The following GAS7 variants were observed in gnomAD, a reference collection of about 807,000 sequenced individuals.
GAS7 encodes the protein growth arrest-specific protein 7.
Under a neutral mutation model 71.1 loss-of-function variants are expected in GAS7, and 28 were observed. That is an observed-to-expected ratio of 0.39 (90% CI 0.29 to 0.54). GAS7 has a LOEUF of 0.54. GAS7 is among the 20% of genes least tolerant of loss of function. The pLI is 0.62. For missense variants in GAS7, 436 were observed against 627.8 expected, an observed-to-expected ratio of 0.69 and a Z score of 3.27; for synonymous variants, 258 against 245.8, an observed-to-expected ratio of 1.05 and a Z score of -0.46.
chr17:10,179,544 A>G (rs1027185064), intron 1 of GAS7, among the ~76,000 whole-genome samples: 12 of 152,154 alleles, frequency 7.9e-5, no homozygotes, highest in Non-Finnish European at 1.6e-4. Flanking sequence ...ATTTTATCAC[A>G]TGCAGGGAGG....
At chr17:10,177,646 A>T (rs1597837165) in intron 1 of GAS7, among the ~76,000 whole-genome samples, 1 of 152,122 alleles carries the variant, frequency 6.6e-6, no homozygotes, top group Non-Finnish European at 1.5e-5. Flanking sequence ...ACCACAAGCC[A>T]TAGAAAGCCA....
At chr17:10,073,417 G>A (rs1194515666) in intron 1 of GAS7, among the ~76,000 whole-genome samples, 2 of 152,142 alleles carry the variant, frequency 1.3e-5, no homozygotes, top group Non-Finnish European at 2.9e-5. Context: ...TCAGAACACA[G>A]GACTTATTCT....
intron 1 of GAS7, among the ~76,000 whole-genome samples, chr17:10,042,486 A>ACTAAT (rs2072887325): frequency 6.6e-6 from 1 of 152,050 alleles, no homozygotes; most frequent in Non-Finnish European, 1.5e-5. Flanking sequence ...TCAATCAACC[A>ACTAAT]ACTAATAGTT....
intron 2 of GAS7, among the ~76,000 whole-genome samples, chr17:9,985,911 C>G (rs565049493): frequency 1.6e-4 from 24 of 152,220 alleles, no homozygotes; most frequent in Admixed American, 5.9e-4. Context: ...AGCACACACC[C>G]TACTGAAACT....
intron 1 of GAS7, among the ~76,000 whole-genome samples, chr17:10,105,194 G>A (rs1039734758): frequency 1.7e-4 from 26 of 152,044 alleles, no homozygotes; most frequent in African/African-American, 3.1e-4. Context: ...ACCCGACGCC[G>A]TTGGTAAGGC....
At chr17:9,921,685 C>G (rs1025687886) in intron 11 of GAS7, among the ~76,000 whole-genome samples, 3 of 152,114 alleles carry the variant, frequency 2.0e-5, no homozygotes, top group Admixed American at 1.3e-4. Context: ...GTTGGCCAGG[C>G]GCGGTGCCTC....
Position 9,919,489 on chromosome 17 carries a change from AC to A in GAS7, c.1218+136del. ...TAAGCTGGCTCACATTGAGGTTTCG[AC>A]CCCAACACTGAAGTAGATTTGATGA... On this transcript the variant is annotated intron_variant, in intron 12 of 13. Coordinates refer to ENST00000432992, the MANE Select transcript of GAS7 (RefSeq NM_201433.2). This position sits in a 1 kb window ranked among gnomAD's most constrained non-coding sequence, Gnocchi z 5.0. 1 of 741,480 alleles carries A rather than the reference AC, an allele frequency of 1.3e-6. No individual in the cohort carries two copies. The highest frequency in any genetic ancestry group is 2.5e-6 in the Non-Finnish European group (1 of 405,574). The allele number at this position is 741,480 out of a possible 1,614,324, so 45.9% of individuals were successfully genotyped here. A position where few individuals can be genotyped will look rare whatever the true frequency, so the allele number is the denominator to read the frequency against.
intron 7 of GAS7, 35 bp downstream of exon 7, chr17:9,943,086 C>G: frequency 7.2e-7 from 1 of 1,387,932 alleles, no homozygotes; most frequent in Non-Finnish European, 1.0e-6. Flanking sequence ...AACACTGGTG[C>G]CAGGCCCCAG....
At chr17:10,131,231 G>A (rs2073994622) in intron 1 of GAS7, among the ~76,000 whole-genome samples, 1 of 152,190 alleles carries the variant, frequency 6.6e-6, no homozygotes, top group Non-Finnish European at 1.5e-5. Flanking sequence ...TGATTACTGA[G>A]TTTTACTTTC....
chr17:9,921,157 C>CTTTT (rs962798348), intron 11 of GAS7, among the ~76,000 whole-genome samples: 1 of 137,422 alleles, frequency 7.3e-6, no homozygotes, highest in Non-Finnish European at 1.6e-5. Context: ...GCATTTTTTT[C>CTTTT]TTTTTTTTTT....
At chr17:10,159,984 G>A (rs1221329958) in intron 1 of GAS7, among the ~76,000 whole-genome samples, 3 of 151,702 alleles carry the variant, frequency 2.0e-5, no homozygotes, top group Non-Finnish European at 4.4e-5. Context: ...TCCCCATATT[G>A]CCCAGGCTGG....
In GAS7 at chr17:9,911,238, C is replaced by T. The variant is rs769094959; in HGVS notation, c.*5990G>A. 8 of 233,238 alleles carry T rather than the reference C, an allele frequency of 3.4e-5. No individual in the cohort carries two copies. Among genetic ancestry groups the T allele is most frequent in the East Asian group, 1.8e-4 (3 of 16,590 alleles). The allele number at this position is 233,238 out of a possible 1,614,324, so 14.4% of individuals were successfully genotyped here. ...CGCCCCCACTTGACAGATGAGTGCA[C>T]GGAGGTCCCGACAGGGGATGTGACT... is the stretch of plus-strand genomic sequence containing the variant. On this transcript the variant is annotated 3_prime_UTR_variant, in exon 14 of 14. Coordinates refer to ENST00000432992, the MANE Select transcript of GAS7 (RefSeq NM_201433.2). The surrounding 1 kb of genome is among the most constrained non-coding windows in gnomAD (Gnocchi z 4.0).
rs552101062 is a variant in GAS7 at position 10,110,190 on chromosome 17, T to C, written c.183+88018A>G. On this transcript the variant is annotated intron_variant, in intron 1 of 13. Transcript: ENST00000432992. ...CAAGTGGATAAAAAAATGCGGTATATATACACCGTGGAATTCTATTCAGCA... is the reference window on the plus strand; with the variant it reads ...CAAGTGGATAAAAAAATGCGGTATACATACACCGTGGAATTCTATTCAGCA... Among the ~76,000 whole-genome samples the C allele has an allele frequency of 5.3e-5, 8 of 152,116 alleles. No homozygotes were observed. In the South Asian group the frequency reaches 1.5e-3, roughly 28 times the overall value.
At chr17:10,150,226 A>G (rs2074153798) in intron 1 of GAS7, among the ~76,000 whole-genome samples, 1 of 152,098 alleles carries the variant, frequency 6.6e-6, no homozygotes, top group African/African-American at 2.4e-5. Context: ...TCATTCACCA[A>G]CTCCCAAGAG....
chr17:10,017,430 G>A (rs1399708344), intron 2 of GAS7, among the ~76,000 whole-genome samples: 1 of 151,710 alleles, frequency 6.6e-6, no homozygotes, highest in Non-Finnish European at 1.5e-5. Context: ...ACGCGTTCAA[G>A]CGATTCTCCT....
intron 1 of GAS7, among the ~76,000 whole-genome samples, chr17:10,051,870 A>G (rs1211069123): frequency 1.3e-5 from 2 of 152,184 alleles, no homozygotes; most frequent in African/African-American, 2.4e-5. Flanking sequence ...TTTCCCCAGC[A>G]TTGGATATCC....
intron 1 of GAS7, among the ~76,000 whole-genome samples, chr17:10,117,048 T>G (rs2073867540): frequency 1.3e-5 from 2 of 152,300 alleles, no homozygotes; most frequent in South Asian, 4.1e-4. Context: ...CTTACAGTTC[T>G]GGAGGTCAAA....
At chr17:9,997,072 C>T (rs2071076056) in intron 2 of GAS7, among the ~76,000 whole-genome samples, 1 of 152,108 alleles carries the variant, frequency 6.6e-6, no homozygotes, top group African/African-American at 2.4e-5. Context: ...CTCAGCCAGA[C>T]TAGTTTAGCG....
intron 1 of GAS7, among the ~76,000 whole-genome samples, chr17:10,033,221 A>G (rs569563080): frequency 2.6e-5 from 4 of 152,220 alleles, no homozygotes; most frequent in African/African-American, 9.6e-5. Flanking sequence ...CAGACTCCCT[A>G]GGGAGTTCCT....
Sources: allele counts gnomAD v4.1 joint callset (sites outside exome capture counted in the v4.1 genomes callset), GRCh38; gene constraint gnomAD v4.1.1; non-coding constraint Gnocchi (gnomAD v3.1); transcripts MANE v1.5; gene names NCBI Gene and HGNC (gene_info 2026-07-23, HGNC 2026-07-21).